Variants in TECRL observed in about 807,000 individuals in gnomAD.
TECRL encodes the protein trans-2,3-enoyl-CoA reductase like.
A neutral mutation model predicts 52.8 loss-of-function variants in TECRL; 63 were observed. The ratio of observed to expected loss-of-function variants is 1.19; its 90% CI spans 0.97 to 1.47. TECRL has a LOEUF of 1.47. Among genes scored for constraint, TECRL ranks in the 40% most tolerant of loss-of-function variants. TECRL has a pLI of 0.00. For missense variants in TECRL, 482 were observed against 429.6 expected (o/e 1.12, Z -1.08); for synonymous variants, 164 against 141.9 (o/e 1.16, Z -1.10).
intron 2 of TECRL, among the ~76,000 whole-genome samples, chr4:64,353,790 C>T (rs1345325712): frequency 8.9e-6 from 1 of 112,340 alleles, no homozygotes; most frequent in African/African-American, 2.8e-5. Flanking sequence ...TGTTTGAGAG[C>T]ACACCAGAAA....
At chr4:64,310,902 G>A (rs1448360001) in intron 5 of TECRL, among the ~76,000 whole-genome samples, 1 of 152,014 alleles carries the variant, frequency 6.6e-6, no homozygotes, top group Non-Finnish European at 1.5e-5. Flanking sequence ...TGTATTTTTT[G>A]TAGAAATGGG....
At chr4:64,306,724 A>T (rs1026446658) in intron 6 of TECRL, among the ~76,000 whole-genome samples, 1 of 152,156 alleles carries the variant, frequency 6.6e-6, no homozygotes, top group African/African-American at 2.4e-5. Flanking sequence ...CTGGGTGACT[A>T]TTCTCCTCTC....
At chr4:64,310,010 T>G in intron 5 of TECRL, 79 bp from the exon 6 acceptor site, 1 of 858,662 alleles carries the variant, frequency 1.2e-6, no homozygotes, top group Non-Finnish European at 1.8e-6. Context: ...ATTTTAATTT[T>G]TTTAGTTTAA....
At chr4:64,382,218 TATATATATATATATATAG>T (rs1180678686) in intron 1 of TECRL, among the ~76,000 whole-genome samples, 26 of 3,022 alleles carry the variant, frequency 8.6e-3, no homozygotes, top group African/African-American at 9.4e-3. Flanking sequence ...TATATATATA[TATATATATATATATATAG>T]TATTATGTAT....
downstream of TECRL, chr4:64,276,336 AGAGTGT>A (rs1221601988): frequency 6.6e-6 from 1 of 151,976 alleles, no homozygotes; most frequent in Non-Finnish European, 1.5e-5. Context: ...TTATAGGATG[AGAGTGT>A]TAACTCTGAG....
chr4:64,289,843 T>TA, intron 8 of TECRL, 76 bp from the exon 9 acceptor site: 1 of 927,768 alleles, frequency 1.1e-6, no homozygotes, highest in Non-Finnish European at 1.5e-6. Flanking sequence ...TAGAGTTATA[T>TA]AAAATCTGTG....
intron 4 of TECRL, 43 bp downstream of exon 4, chr4:64,322,646 C>T (rs763721812): frequency 2.6e-5 from 35 of 1,371,976 alleles, no homozygotes; most frequent in Non-Finnish European, 3.4e-5. Context: ...TTATTTAGAG[C>T]AAAATATGAG....
chr4:64,400,112 C>A (rs1263035361), intron 1 of TECRL, among the ~76,000 whole-genome samples: 1 of 152,242 alleles, frequency 6.6e-6, no homozygotes, highest in African/African-American at 2.4e-5. Flanking sequence ...AGGAGTGGAG[C>A]TATCCAAGAC....
At chr4:64,399,227 AT>A (rs1724174112) in intron 1 of TECRL, among the ~76,000 whole-genome samples, 1 of 152,124 alleles carries the variant, frequency 6.6e-6, no homozygotes, top group Non-Finnish European at 1.5e-5. Context: ...TGTGGAATAA[AT>A]TTCTAAGCAG....
intron 4 of TECRL, among the ~76,000 whole-genome samples, chr4:64,316,910 AC>A (rs1577860316): frequency 6.6e-6 from 1 of 152,170 alleles, no homozygotes; most frequent in East Asian, 1.9e-4. Context: ...CATTGTTTGT[AC>A]TAGGCAAGCA....
chr4:64,293,131 G>A (rs1053695528), intron 8 of TECRL, among the ~76,000 whole-genome samples: 1 of 151,862 alleles, frequency 6.6e-6, no homozygotes, highest in Non-Finnish European at 1.5e-5. Flanking sequence ...TAGAGTTATC[G>A]TCATAAGGAT....
At chr4:64,310,446 TTTTG>T (rs1258747631) in intron 5 of TECRL, among the ~76,000 whole-genome samples, 4 of 152,166 alleles carry the variant, frequency 2.6e-5, no homozygotes, top group Non-Finnish European at 5.9e-5. Flanking sequence ...TTTGTTTTTG[TTTTG>T]TTTGTTTTTT....
intron 2 of TECRL, among the ~76,000 whole-genome samples, chr4:64,345,742 G>A (rs1719909004): frequency 6.6e-6 from 1 of 150,928 alleles, no homozygotes; most frequent in African/African-American, 2.4e-5. Context: ...GTCACAAGCA[G>A]ACCCCAGTTA....
At chr4:64,299,857 G>A (rs1723907597) in intron 8 of TECRL, 117 bp downstream of exon 8, 1 of 368,924 alleles carries the variant, frequency 2.7e-6, no homozygotes, top group Non-Finnish European at 4.8e-6. Context: ...ATATCATTAT[G>A]TATATTATAT....
chr4:64,371,848 T>G (rs1721996559), intron 2 of TECRL, among the ~76,000 whole-genome samples: 1 of 151,828 alleles, frequency 6.6e-6, no homozygotes, highest in Non-Finnish European at 1.5e-5. Flanking sequence ...GCTATGATTT[T>G]ATTTTTCAAC....
At position 64,289,772 on chromosome 4, in the gene TECRL, A is replaced by G. The variant is rs771190930; in HGVS notation, c.775-5T>C. The G allele has an allele frequency of 6.5e-7, 1 of 1,544,182 alleles. No individual in the cohort carries two copies. The highest frequency in any genetic ancestry group is 1.3e-5 in the South Asian group (1 of 76,992). On this transcript the variant is annotated splice_polypyrimidine_tract_variant and splice_region_variant and intron_variant, in intron 8 of 11. Transcript: ENST00000381210. ...ATGATTCCCAGCTTCACAAATCTGC[A>G]AAACATTTTAAACACTTTCAGTGTG...
intron 2 of TECRL, among the ~76,000 whole-genome samples, chr4:64,338,269 A>G (rs1719271992): frequency 6.6e-6 from 1 of 152,214 alleles, no homozygotes; most frequent in African/African-American, 2.4e-5. Flanking sequence ...TACACCTTAT[A>G]CAAAAATTAA....
intron 8 of TECRL, among the ~76,000 whole-genome samples, chr4:64,290,030 G>C (rs1723294040): frequency 6.6e-6 from 1 of 152,184 alleles, no homozygotes; most frequent in Non-Finnish European, 1.5e-5. Flanking sequence ...AGTTTAAACT[G>C]TCTTGTTAAT....
intron 7 of TECRL, among the ~76,000 whole-genome samples, chr4:64,302,085 G>C (rs1473085142): frequency 6.6e-6 from 1 of 151,068 alleles, no homozygotes; most frequent in East Asian, 1.9e-4. Context: ...ATTCTGATTT[G>C]GGTATATTAA....
Sources: allele counts gnomAD v4.1 joint callset (sites outside exome capture counted in the v4.1 genomes callset), GRCh38; gene constraint gnomAD v4.1.1; transcripts MANE v1.5; gene names NCBI Gene and HGNC (gene_info 2026-07-23, HGNC 2026-07-21).